ESRRG: variants seen among roughly 807,000 people sequenced by gnomAD.
ESRRG encodes the protein estrogen-related receptor gamma.
In ESRRG, 13 loss-of-function variants were observed where a neutral mutation model predicts 44.0. That is an observed-to-expected ratio of 0.30 (90% CI 0.19 to 0.47). The LOEUF (loss-of-function observed/expected upper bound fraction) is 0.47. Among genes scored for constraint, ESRRG ranks in the 20% least tolerant of loss-of-function variants. ESRRG has a pLI of 1.00. For synonymous variants in ESRRG, 215 were observed against 214.6 expected (o/e 1.00, Z -0.02); for missense variants, 395 against 580.6 (o/e 0.68, Z 3.29).
chr1:216,647,377 T>G (rs2067855232), intron 3 of ESRRG, among the ~76,000 whole-genome samples: 1 of 152,162 alleles, frequency 6.6e-6, no homozygotes, highest in Non-Finnish European at 1.5e-5. Flanking sequence ...TGCCACCACT[T>G]GGATTTCAAC....
intron 2 of ESRRG, among the ~76,000 whole-genome samples, chr1:216,654,433 G>A (rs2069878408): frequency 6.6e-6 from 1 of 151,876 alleles, no homozygotes. Flanking sequence ...AGCTCAAGAC[G>A]AGCCTGATCA....
intron 2 of ESRRG, among the ~76,000 whole-genome samples, chr1:216,853,824 C>T (rs1184936777): frequency 6.6e-6 from 1 of 152,170 alleles, no homozygotes; most frequent in Non-Finnish European, 1.5e-5. Context: ...ATAATAATTT[C>T]TTGGTGAAAT....
intron 1 of ESRRG, among the ~76,000 whole-genome samples, chr1:217,134,387 C>T (rs2102551309): frequency 6.6e-6 from 1 of 152,290 alleles, no homozygotes; most frequent in Admixed American, 6.5e-5. Flanking sequence ...ACTGGTGGTG[C>T]CTAAGAAGTT....
At chr1:216,957,564 A>G (rs951436319) in intron 1 of ESRRG, among the ~76,000 whole-genome samples, 1 of 152,028 alleles carries the variant, frequency 6.6e-6, no homozygotes, top group Admixed American at 6.6e-5. Flanking sequence ...CTCTAACACC[A>G]TCCATGCAAT....
intron 5 of ESRRG, among the ~76,000 whole-genome samples, chr1:216,520,092 G>A (rs1347853055): frequency 1.3e-5 from 2 of 152,056 alleles, no homozygotes; most frequent in South Asian, 4.1e-4. Context: ...AAAGAGAAAA[G>A]CCTCGTTCAC....
intron 1 of ESRRG, among the ~76,000 whole-genome samples, chr1:216,969,531 T>C (rs1208083169): frequency 2.6e-5 from 4 of 152,180 alleles, no homozygotes; most frequent in Non-Finnish European, 5.9e-5. Context: ...ACTTAAGTGA[T>C]TGACTGACTG....
chr1:216,883,675 T>C (rs1436081786), intron 2 of ESRRG, among the ~76,000 whole-genome samples: 3 of 152,212 alleles, frequency 2.0e-5, no homozygotes, highest in East Asian at 3.9e-4. Flanking sequence ...CAGAGGCAGG[T>C]AGAACAATTA....
At chr1:216,737,227 A>T (rs2090070124) in intron 2 of ESRRG, among the ~76,000 whole-genome samples, 1 of 152,138 alleles carries the variant, frequency 6.6e-6, no homozygotes, top group Non-Finnish European at 1.5e-5. Context: ...CAAAAGCCTT[A>T]AAATTGGTGG....
At chr1:217,014,583 T>C (rs1375254771) in intron 1 of ESRRG, among the ~76,000 whole-genome samples, 1 of 152,098 alleles carries the variant, frequency 6.6e-6, no homozygotes, top group Non-Finnish European at 1.5e-5. Context: ...GAAATCAAAG[T>C]AATAAAAGGC....
intron 1 of ESRRG, among the ~76,000 whole-genome samples, chr1:217,128,606 C>A (rs541433906): frequency 1.3e-5 from 2 of 152,132 alleles, no homozygotes; most frequent in Non-Finnish European, 2.9e-5. Context: ...AAAAAAATAA[C>A]TACTGTCATC....
chr1:216,903,673 A>G (rs1453953911), intron 2 of ESRRG, among the ~76,000 whole-genome samples: 1 of 151,936 alleles, frequency 6.6e-6, no homozygotes, highest in East Asian at 1.9e-4. Flanking sequence ...GAGATGCAGA[A>G]GAGAAAAAAA....
At chr1:216,835,695 A>G (rs367792842) in intron 2 of ESRRG, among the ~76,000 whole-genome samples, 76 of 152,334 alleles carry the variant, frequency 5.0e-4, no homozygotes, top group African/African-American at 1.8e-3. Flanking sequence ...ATTTAACTTA[A>G]CAATGGAAAA....
At chr1:217,062,982 T>C (rs1004435238) in intron 1 of ESRRG, among the ~76,000 whole-genome samples, 1 of 152,196 alleles carries the variant, frequency 6.6e-6, no homozygotes, top group Non-Finnish European at 1.5e-5. Context: ...AGTATGTACC[T>C]ATGTGACCAG....
intron 5 of ESRRG, among the ~76,000 whole-genome samples, chr1:216,547,622 T>C (rs887228165): frequency 1.3e-5 from 2 of 152,106 alleles, no homozygotes; most frequent in Admixed American, 6.6e-5. Context: ...TAAATTTTAT[T>C]CTTCAAGCTG....
At chr1:216,903,775 A>G (rs2059367154) in intron 2 of ESRRG, among the ~76,000 whole-genome samples, 1 of 152,146 alleles carries the variant, frequency 6.6e-6, no homozygotes. Context: ...CATGCCATCT[A>G]TACCAACCAC....
rs72420221 is a variant in ESRRG, at chr1:216,682,709, A to AGTGTGTGTGT, written c.57-5228_57-5219dup. Among the ~76,000 whole-genome samples, 657 of 144,750 alleles carry AGTGTGTGTGT rather than the reference A, an allele frequency of 4.5e-3. 5 individuals are homozygous for AGTGTGTGTGT. The highest frequency in any genetic ancestry group is 0.015 in the African/African-American group (585 of 38,594). 95.0% of individuals were successfully genotyped at this position (144,750 alleles called of 152,430 possible). The stretch of plus-strand genomic sequence containing the variant: ...AAATAAAAAGCTCTTAATACTCTAT[A>AGTGTGTGTGT]GTGTGTGTGTGTGTGTGTGTGTGTG... On this transcript the variant is annotated intron_variant, in intron 1 of 6. Coordinates refer to ENST00000408911, the MANE Select transcript of ESRRG (RefSeq NM_001438.4).
At chr1:216,632,115 G>A (rs1302503521) in intron 3 of ESRRG, among the ~76,000 whole-genome samples, 1 of 152,180 alleles carries the variant, frequency 6.6e-6, no homozygotes, top group Non-Finnish European at 1.5e-5. Flanking sequence ...TCTATCCAGT[G>A]TACTACTATG....
At chr1:216,931,942 A>C (rs1393602030) in intron 2 of ESRRG, among the ~76,000 whole-genome samples, 1 of 152,160 alleles carries the variant, frequency 6.6e-6, no homozygotes, top group African/African-American at 2.4e-5. Flanking sequence ...GCGGTGGCTC[A>C]CGCCTGTAAT....
chr1:216,832,254 A>G (rs980651765), intron 2 of ESRRG, among the ~76,000 whole-genome samples: 2 of 152,242 alleles, frequency 1.3e-5, no homozygotes, highest in Non-Finnish European at 2.9e-5. Context: ...TTTAGCAAAA[A>G]GTAAAACATT....
Sources: gnomAD v4.1 joint callset for allele counts (sites outside exome capture counted in the v4.1 genomes callset) on GRCh38, gnomAD v4.1.1 for gene constraint, MANE v1.5 for transcripts, NCBI Gene and HGNC (gene_info 2026-07-23, HGNC 2026-07-21) for gene names.